Variants in ADARB2 observed in about 807,000 individuals in gnomAD.
The protein encoded by ADARB2 is inactive double-stranded RNA-specific editase B2.
Under a neutral mutation model 62.2 loss-of-function variants are expected in ADARB2, and 25 were observed. The observed-to-expected ratio is 0.40, with a 90% CI of 0.29 to 0.56. The LOEUF is 0.56. Among genes scored for constraint, ADARB2 ranks in the 20% least tolerant of loss-of-function variants. ADARB2 has a pLI of 0.43. For synonymous variants in ADARB2, 572 were observed against 500.8 expected (o/e 1.14, Z -1.90); for missense variants, 1,071 against 1,077.4 (o/e 0.99, Z 0.08).
intron 8 of ADARB2, among the ~76,000 whole-genome samples, chr10:1,197,285 T>C (rs374915723): frequency 7.2e-5 from 11 of 152,270 alleles, no homozygotes; most frequent in African/African-American, 2.6e-4. Context: ...AAATCTGGAC[T>C]CATAAAAAAA....
At chr10:1,607,324 G>C (rs1833506179) in intron 1 of ADARB2, among the ~76,000 whole-genome samples, 2 of 152,168 alleles carry the variant, frequency 1.3e-5, no homozygotes, top group South Asian at 4.1e-4. Context: ...TCTGTCACTT[G>C]TTAGTAATGC....
At chr10:1,260,650 A>C (rs1305305489) in intron 4 of ADARB2, among the ~76,000 whole-genome samples, 1 of 151,742 alleles carries the variant, frequency 6.6e-6, no homozygotes, top group African/African-American at 2.4e-5. Flanking sequence ...AGGAAATAAA[A>C]GAGGATACAA....
At chr10:1,220,270 A>ATGATGGTGG (rs1830680574) in intron 6 of ADARB2, among the ~76,000 whole-genome samples, 2 of 119,842 alleles carry the variant, frequency 1.7e-5, no homozygotes, top group Non-Finnish European at 3.5e-5. Flanking sequence ...GATGGTGGTG[A>ATGATGGTGG]TGATGGTAAT....
At chr10:1,730,914 A>G (rs1835222633) in intron 1 of ADARB2, among the ~76,000 whole-genome samples, 1 of 152,246 alleles carries the variant, frequency 6.6e-6, no homozygotes, top group Admixed American at 6.5e-5. Context: ...AACTGTATTC[A>G]TTCACCATCA....
chr10:1,323,337 TAG>T (rs1564256899), intron 3 of ADARB2, among the ~76,000 whole-genome samples: 1 of 151,078 alleles, frequency 6.6e-6, no homozygotes, highest in Non-Finnish European at 1.5e-5. Context: ...CCTAAATTAA[TAG>T]AGAGACATGC....
intron 4 of ADARB2, among the ~76,000 whole-genome samples, chr10:1,253,546 T>TGGA (rs1345800173): frequency 7.2e-5 from 11 of 152,364 alleles, no homozygotes; most frequent in Non-Finnish European, 5.9e-5. Context: ...TCAGTGGGCA[T>TGGA]TAAACACCTA....
intron 1 of ADARB2, among the ~76,000 whole-genome samples, chr10:1,619,194 G>T (rs995705921): frequency 2.0e-5 from 3 of 150,616 alleles, no homozygotes; most frequent in Admixed American, 2.0e-4. Context: ...CAAATAAAAA[G>T]AGCAGAGATC....
At chr10:1,245,080 A>G (rs1329868378) in intron 4 of ADARB2, among the ~76,000 whole-genome samples, 2 of 152,152 alleles carry the variant, frequency 1.3e-5, no homozygotes, top group Non-Finnish European at 2.9e-5. Flanking sequence ...GCTGGGTTGC[A>G]CAGGAGGAGA....
At chr10:1,375,058 G>A (rs978769594) in intron 2 of ADARB2, among the ~76,000 whole-genome samples, 5 of 152,200 alleles carry the variant, frequency 3.3e-5, no homozygotes, top group African/African-American at 9.6e-5. Context: ...TCAAAGACTC[G>A]TCACGCAGGA....
At chr10:1,585,382 C>A (rs1833161882) in intron 1 of ADARB2, among the ~76,000 whole-genome samples, 1 of 152,076 alleles carries the variant, frequency 6.6e-6, no homozygotes, top group African/African-American at 2.4e-5. Flanking sequence ...AAGATCGCTA[C>A]AAAGATAAAA....
chr10:1,541,079 T>C (rs368015706), intron 1 of ADARB2, among the ~76,000 whole-genome samples: 892 of 30,832 alleles, frequency 0.029, no homozygotes, highest in Non-Finnish European at 0.04. Flanking sequence ...CCCACTCAGA[T>C]GTAGTTCAGA....
intron 1 of ADARB2, among the ~76,000 whole-genome samples, chr10:1,735,526 G>T (rs910968037): frequency 1.3e-5 from 2 of 152,220 alleles, no homozygotes; most frequent in Non-Finnish European, 2.9e-5. Context: ...CAAGTGTAAA[G>T]ATGATGCTTC....
intron 8 of ADARB2, among the ~76,000 whole-genome samples, chr10:1,189,031 C>CATGGCCTCGT (rs1311496328): frequency 6.6e-6 from 1 of 150,698 alleles, no homozygotes; most frequent in Non-Finnish European, 1.5e-5. Flanking sequence ...ATGGAAGGGC[C>CATGGCCTCGT]ATGGCCTCGT....
chr10:1,645,902 C>T, intron 1 of ADARB2, among the ~76,000 whole-genome samples: 1 of 152,226 alleles, frequency 6.6e-6, no homozygotes, highest in East Asian at 1.9e-4. Context: ...CTCAATCAGT[C>T]ATTCCAGCAC....
At chr10:1,463,872 G>A (rs1435852134) in intron 1 of ADARB2, among the ~76,000 whole-genome samples, 2 of 152,232 alleles carry the variant, frequency 1.3e-5, no homozygotes, top group African/African-American at 4.8e-5. Flanking sequence ...ATGGTAAAGG[G>A]ATTTGAGCAG....
intron 6 of ADARB2, among the ~76,000 whole-genome samples, chr10:1,218,460 T>C (rs546889618): frequency 1.3e-5 from 2 of 152,256 alleles, no homozygotes; most frequent in African/African-American, 4.8e-5. Flanking sequence ...TACATACATA[T>C]GATAACGTAA....
At chr10:1,553,146 G>T (rs1487265537) in intron 1 of ADARB2, among the ~76,000 whole-genome samples, 1 of 152,194 alleles carries the variant, frequency 6.6e-6, no homozygotes, top group African/African-American at 2.4e-5. Context: ...ACACCAGGTG[G>T]CTCATAACAT....
intron 1 of ADARB2, among the ~76,000 whole-genome samples, chr10:1,436,971 TAA>T (rs1204949608): frequency 6.6e-6 from 1 of 152,188 alleles, no homozygotes; most frequent in Non-Finnish European, 1.5e-5. Flanking sequence ...CATGTTTTGA[TAA>T]ATACAATTGC....
chr10:1,567,361 C>T (rs879567364), intron 1 of ADARB2, among the ~76,000 whole-genome samples: 4 of 152,192 alleles, frequency 2.6e-5, no homozygotes, highest in East Asian at 1.9e-4. Flanking sequence ...GAACCCAGTG[C>T]GGTGGGATGG....
Sources: allele counts gnomAD v4.1 joint callset (sites outside exome capture counted in the v4.1 genomes callset), GRCh38; gene constraint gnomAD v4.1.1; transcripts MANE v1.5; gene names NCBI Gene and HGNC (gene_info 2026-07-23, HGNC 2026-07-21).